Variants in ATPAF1 observed in about 807,000 individuals in gnomAD.
ATPAF1 encodes the protein homolog of yeast ATP11.
A neutral mutation model predicts 43.9 loss-of-function variants in ATPAF1; 26 were observed. The ratio of observed to expected loss-of-function variants is 0.59; its 90% confidence interval spans 0.43 to 0.82. ATPAF1 has a LOEUF of 0.82. Ranked by LOEUF, ATPAF1 falls within the 40% of genes least tolerant of loss-of-function variation. The pLI is 0.00. For missense variants in ATPAF1, 366 were observed against 435.0 expected (o/e 0.84, Z 1.41); for synonymous variants, 157 against 168.0 (o/e 0.93, Z 0.50).
intron 8 of ATPAF1, 150 bp from the exon 9 acceptor site, chr1:46,636,120 G>A: frequency 1.3e-6 from 1 of 796,592 alleles, no homozygotes; most frequent in South Asian, 1.4e-5. Context: ...TTGGTTAGGT[G>A]CCCCTTCTCT....
intron 8 of ATPAF1, among the ~76,000 whole-genome samples, chr1:46,642,305 T>A (rs1358238771): frequency 6.6e-6 from 1 of 152,162 alleles, no homozygotes; most frequent in Non-Finnish European, 1.5e-5. Context: ...ATGCAGCTGG[T>A]AAGAGAAAGA....
intron 6 of ATPAF1, among the ~76,000 whole-genome samples, chr1:46,647,356 G>C (rs1676062855): frequency 6.6e-6 from 1 of 152,186 alleles, no homozygotes; most frequent in Non-Finnish European, 1.5e-5. Context: ...GGATTTGTCT[G>C]CCTCCTTCTT....
chr1:46,635,976 A>C lies in ATPAF1; in HGVS notation c.793-6T>G. 6 of 1,613,888 alleles carry C rather than the reference A, an allele frequency of 3.7e-6. No homozygotes were observed. The highest frequency in any genetic ancestry group is 5.1e-6 in the Non-Finnish European group (6 of 1,179,920). On this transcript the variant is annotated splice_region_variant and splice_polypyrimidine_tract_variant and intron_variant, in intron 8 of 8. Coordinates refer to ENST00000574428, the Ensembl canonical transcript of ATPAF1. ...CACTGTGCCTCAGCAACATTCTGTA[A>C]GGTAAAAAGAATAATGAGGTCCTTT... is the stretch of plus-strand genomic sequence containing the variant.
At chr1:46,644,598 T>C (rs2148817063) in intron 7 of ATPAF1, among the ~76,000 whole-genome samples, 1 of 152,264 alleles carries the variant, frequency 6.6e-6, no homozygotes, top group East Asian at 1.9e-4. Context: ...AAATATAGAA[T>C]GCCAATCCTA....
intron 6 of ATPAF1, among the ~76,000 whole-genome samples, chr1:46,649,909 C>T (rs1205459639): frequency 1.3e-5 from 2 of 152,084 alleles, no homozygotes; most frequent in Admixed American, 1.3e-4. Flanking sequence ...CTGGGCAACA[C>T]TGTAAGATCC....
chr1:46,635,677 G>A (rs982549603), exon 9 of ATPAF1: 20 of 1,209,318 alleles, frequency 1.7e-5, no homozygotes, highest in African/African-American at 4.6e-5. Flanking sequence ...ATTACCAACT[G>A]CTCATTATAA....
chr1:46,635,500 T>C, exon 9 of ATPAF1: 1 of 416,216 alleles, frequency 2.4e-6, no homozygotes, highest in South Asian at 4.8e-5. Flanking sequence ...TCAAGTCAAC[T>C]GTCTTGTAGG....
intron 3 of ATPAF1, 47 bp from the exon 4 acceptor site, chr1:46,658,236 A>AC (rs953577705): frequency 2.1e-6 from 3 of 1,426,062 alleles, no homozygotes; most frequent in South Asian, 2.5e-5. Context: ...TAAAAAAAAA[A>AC]AAAAACAGCT....
chr1:46,636,707 G>T (rs1675847882), intron 8 of ATPAF1, among the ~76,000 whole-genome samples: 1 of 150,466 alleles, frequency 6.6e-6, no homozygotes, highest in Non-Finnish European at 1.5e-5. Flanking sequence ...GCTTGAGCCT[G>T]TCTGGGTAAT....
At chr1:46,645,767 G>A (rs1278135723) in intron 6 of ATPAF1, among the ~76,000 whole-genome samples, 1 of 152,190 alleles carries the variant, frequency 6.6e-6, no homozygotes, top group Non-Finnish European at 1.5e-5. Flanking sequence ...GGTTCCCTCT[G>A]CATTCCCTTC....
intron 8 of ATPAF1, among the ~76,000 whole-genome samples, chr1:46,636,937 T>C (rs1171324188): frequency 6.6e-6 from 1 of 152,180 alleles, no homozygotes; most frequent in Non-Finnish European, 1.5e-5. Flanking sequence ...TGGGGCTGGA[T>C]GCAGACGCTC....
chr1:46,665,462 C>A, intron 1 of ATPAF1, 98 bp from the exon 2 acceptor site: 1 of 1,355,652 alleles, frequency 7.4e-7, no homozygotes. Flanking sequence ...AGGACACTGC[C>A]ATTCAGAGAG....
downstream of ATPAF1, chr1:46,634,010 T>C: frequency 2.7e-6 from 1 of 365,860 alleles, no homozygotes; most frequent in Non-Finnish European, 5.3e-6. Flanking sequence ...AGAATTTACA[T>C]TAGTTAACAG....
At chr1:46,663,353 G>A (rs1676429994) in intron 2 of ATPAF1, among the ~76,000 whole-genome samples, 1 of 152,196 alleles carries the variant, frequency 6.6e-6, no homozygotes, top group African/African-American at 2.4e-5. Flanking sequence ...CTAAGGAATC[G>A]CCACACTGAC....
intron 8 of ATPAF1, among the ~76,000 whole-genome samples, chr1:46,642,082 GCCTATCT>G (rs1675961773): frequency 6.6e-6 from 1 of 152,240 alleles, no homozygotes; most frequent in South Asian, 2.1e-4. Context: ...CTGCAATCTT[GCCTATCT>G]CAGTTAATGG....
intron 2 of ATPAF1, chr1:46,663,916 G>A: frequency 7.8e-7 from 1 of 1,283,344 alleles, no homozygotes; most frequent in South Asian, 1.3e-5. Context: ...TTTGTTCTGT[G>A]CACCATCCTA....
downstream of ATPAF1, chr1:46,634,668 T>C (rs993419867): frequency 6.6e-6 from 1 of 152,260 alleles, no homozygotes; most frequent in Non-Finnish European, 1.5e-5. Flanking sequence ...CTGACAACAA[T>C]ACTGGGGGCC....
intron 4 of ATPAF1, among the ~76,000 whole-genome samples, chr1:46,654,427 A>G (rs1471577778): frequency 6.6e-6 from 1 of 152,154 alleles, no homozygotes; most frequent in Non-Finnish European, 1.5e-5. Flanking sequence ...TTGTCACAGA[A>G]TAAACACTAC....
chr1:46,663,270 T>C (rs1354919039), intron 2 of ATPAF1, among the ~76,000 whole-genome samples: 1 of 152,264 alleles, frequency 6.6e-6, no homozygotes, highest in African/African-American at 2.4e-5. Flanking sequence ...TATAGCAGCA[T>C]GATTTGTAAT....
Sources: allele counts gnomAD v4.1 joint callset (sites outside exome capture counted in the v4.1 genomes callset), GRCh38; gene constraint gnomAD v4.1.1; transcripts MANE v1.5; gene names NCBI Gene and HGNC (gene_info 2026-07-23, HGNC 2026-07-21).